The following FOXN1 variants were observed in gnomAD, a reference collection of about 807,000 sequenced individuals.
FOXN1 encodes forkhead box protein N1.
Under a neutral mutation model 49.0 loss-of-function variants are expected in FOXN1, and 15 were observed. The observed-to-expected ratio is 0.31, with a 90% CI of 0.20 to 0.47. The LOEUF is 0.47. Among genes scored for constraint, FOXN1 ranks in the 20% least tolerant of loss-of-function variants. The pLI, the probability that FOXN1 is intolerant of heterozygous loss-of-function variation, is 1.00. For synonymous variants in FOXN1, 356 were observed against 369.0 expected, an observed-to-expected ratio of 0.96 and a Z score of 0.40; for missense variants, 800 against 842.8, an observed-to-expected ratio of 0.95 and a Z score of 0.63.
At chr17:28,514,781 G>C (rs2069461890) in intron 1 of FOXN1, among the ~76,000 whole-genome samples, 2 of 152,130 alleles carry the variant, frequency 1.3e-5, no homozygotes, top group African/African-American at 4.8e-5. Flanking sequence ...AGCGTGAAGA[G>C]AGCCTGGGGA....
rs766651929 is a variant in FOXN1, at chr17:28,529,078, C to T, written c.700-16C>T. 8 of 1,613,988 alleles carry T rather than the reference C, an allele frequency of 5.0e-6. No individual in the cohort carries two copies. The highest frequency in any genetic ancestry group is 2.2e-5 in the South Asian group (2 of 91,074). ...TGGGTACCATGCAATCACTCTGCCC[C>T]TTTTGACCTCCTCAGTACTCGCCAG... On this transcript the variant is annotated splice_polypyrimidine_tract_variant and intron_variant, in intron 4 of 8. Coordinates refer to ENST00000579795, the MANE Select transcript of FOXN1 (RefSeq NM_001369369.1).
chr17:28,523,616 C>T (rs2069687103), intron 1 of FOXN1, among the ~76,000 whole-genome samples: 1 of 152,154 alleles, frequency 6.6e-6, no homozygotes, highest in Non-Finnish European at 1.5e-5. Context: ...GAGGCAGAGC[C>T]CAGCTGGGAG....
At chr17:28,520,794 G>A (rs996275545) in intron 1 of FOXN1, among the ~76,000 whole-genome samples, 1 of 152,228 alleles carries the variant, frequency 6.6e-6, no homozygotes, top group African/African-American at 2.4e-5. Flanking sequence ...AGGTGGTGCA[G>A]GCCTGAGCTG....
At position 28,537,932 on chromosome 17, in the gene FOXN1, C is replaced by A; in HGVS notation, c.*496C>A. ...CCCATTCTGACATCCACATGCTCTGCAGTCCTGGCCCCCTCGTCATTTTCT... is the reference window on the plus strand; with the variant it reads ...CCCATTCTGACATCCACATGCTCTGAAGTCCTGGCCCCCTCGTCATTTTCT... On this transcript the variant is annotated 3_prime_UTR_variant, in exon 9 of 9. Coordinates refer to ENST00000579795, the MANE Select transcript of FOXN1 (RefSeq NM_001369369.1). 1 of 177,192 alleles carries A rather than the reference C, an allele frequency of 5.6e-6. No homozygotes were observed. Among genetic ancestry groups the A allele is most frequent in the Non-Finnish European group, 1.2e-5 (1 of 83,222 alleles). 11.0% of individuals were successfully genotyped at this position (177,192 alleles called of 1,614,324 possible).
intron 3 of FOXN1, among the ~76,000 whole-genome samples, chr17:28,527,025 C>G (rs751828240): frequency 6.6e-6 from 1 of 151,718 alleles, no homozygotes; most frequent in Non-Finnish European, 1.5e-5. Context: ...TCTCCCCTGC[C>G]GTGAGGGGAG....
At chr17:28,524,183 C>A in intron 2 of FOXN1, 91 bp downstream of exon 2, 2 of 1,316,726 alleles carry the variant, frequency 1.5e-6, no homozygotes, top group Admixed American at 2.2e-5. Flanking sequence ...CCCCCAGGGA[C>A]CTCCCAGGGC....
intron 5 of FOXN1, among the ~76,000 whole-genome samples, chr17:28,530,337 A>G (rs1457737177): frequency 6.6e-6 from 1 of 152,108 alleles, no homozygotes; most frequent in Non-Finnish European, 1.5e-5. Context: ...TTCCCTCCCT[A>G]CTCTCCAACA....
At chr17:28,520,537 G>C in intron 1 of FOXN1, among the ~76,000 whole-genome samples, 1 of 152,264 alleles carries the variant, frequency 6.6e-6, no homozygotes, top group African/African-American at 2.4e-5. Context: ...TAAGGGGTGG[G>C]CCTCTGAACT....
rs375839642 is a variant in FOXN1 at position 28,524,000 on chromosome 17, G to A, written c.31G>A (p.Val11Ile). Reference protein sequence around the residue: MVSLPPPQSDVTLPGPTRLEG... With the variant: MVSLPPPQSDITLPGPTRLEG... ...GTCGCTACCCCCGCCGCAGTCTGAC[G>A]TCACGCTGCCGGGCCCCACCAGACT... Residue 11 changes from valine to isoleucine, a missense_variant, in exon 2 of 9, where the codon GTC (valine) becomes ATC (isoleucine). By Grantham distance (29) the Val-to-Ile change is conservative. Around this residue, in one of 3 missense-constraint regions of FOXN1, gnomAD observed 383 missense variants for 357.9 expected, o/e 1.07. Coordinates refer to ENST00000579795, the MANE Select transcript of FOXN1 (RefSeq NM_001369369.1). 7.5e-5 allele frequency: 121 copies of A among 1,612,940 alleles called. No individual in the cohort carries two copies. Among genetic ancestry groups the A allele is most frequent in the Admixed American group, 1.7e-4 (10 of 60,004 alleles).
intron 1 of FOXN1, among the ~76,000 whole-genome samples, chr17:28,518,237 G>A (rs1246470465): frequency 1.3e-5 from 2 of 152,020 alleles, no homozygotes; most frequent in African/African-American, 4.8e-5. Context: ...CCTCCACCAG[G>A]TACACACCTC....
chr17:28,515,288 TC>T (rs1016702387), intron 1 of FOXN1, among the ~76,000 whole-genome samples: 49 of 151,484 alleles, frequency 3.2e-4, no homozygotes, highest in African/African-American at 1.0e-3. Context: ...GGTACACACT[TC>T]CACAGGGTAC....
At chr17:28,514,583 A>AC (rs1370788830) in intron 1 of FOXN1, among the ~76,000 whole-genome samples, 1 of 151,676 alleles carries the variant, frequency 6.6e-6, no homozygotes, top group Non-Finnish European at 1.5e-5. Context: ...GCTCCAGGGG[A>AC]CCCCTCCCAG....
At chr17:28,518,082 G>A (rs979914482) in intron 1 of FOXN1, among the ~76,000 whole-genome samples, 2 of 151,360 alleles carry the variant, frequency 1.3e-5, no homozygotes, top group African/African-American at 2.4e-5. Flanking sequence ...CACCTCCACA[G>A]GATCCATACC....
intron 1 of FOXN1, among the ~76,000 whole-genome samples, chr17:28,518,772 G>A (rs576463167): frequency 1.4e-4 from 21 of 152,130 alleles, no homozygotes; most frequent in Middle Eastern, 3.4e-3. Flanking sequence ...AGCATCTGGC[G>A]GTATGGTCAT....
In FOXN1 at chr17:28,530,785, T is replaced by A. The variant is rs2069893350; in HGVS notation, c.867T>A (p.Thr289=). The A allele has an allele frequency of 3.1e-6, 5 of 1,610,272 alleles. No homozygotes were observed. Among genetic ancestry groups the A allele is most frequent in the Non-Finnish European group, 4.2e-6 (5 of 1,176,920 alleles). Residue 289 remains threonine (T), a synonymous_variant, in exon 6 of 9, where the codon ACT becomes ACA. Transcript: ENST00000579795. ...TCATGGCCCTTAAGAACAGTAAAAC[T>A]GGGAGCCTTCCCGTCAGCGAGATCT... ...LIFMALKNSK[T]GSLPVSEIYN... is the part of the protein sequence containing the mutation.
intron 1 of FOXN1, among the ~76,000 whole-genome samples, chr17:28,518,693 G>T (rs2069580485): frequency 6.6e-6 from 1 of 152,168 alleles, no homozygotes; most frequent in African/African-American, 2.4e-5. Flanking sequence ...GGCGGAAGGT[G>T]GCCAGAATGC....
At chr17:28,516,007 T>C (rs2069486338) in intron 1 of FOXN1, among the ~76,000 whole-genome samples, 1 of 151,344 alleles carries the variant, frequency 6.6e-6, no homozygotes, top group African/African-American at 2.4e-5. Context: ...CTCCAGAGGA[T>C]CCATACTTCC....
intron 2 of FOXN1, 85 bp downstream of exon 2, chr17:28,524,177 C>T: frequency 7.1e-7 from 1 of 1,404,904 alleles, no homozygotes; most frequent in Admixed American, 2.1e-5. Context: ...TTACCGCCCC[C>T]AGGGACCTCC....
Position 28,534,583 on chromosome 17 carries a change from G to A in FOXN1, c.1135+45G>A, listed in dbSNP as rs1481517979. The A allele has an allele frequency of 7.6e-6, 12 of 1,572,602 alleles. No homozygotes were observed. The Middle Eastern group carries it at 5.9e-4, about 77-fold the overall frequency. On this transcript the variant is annotated intron_variant, in intron 7 of 8. Coordinates refer to ENST00000579795, the MANE Select transcript of FOXN1 (RefSeq NM_001369369.1). The surrounding 1 kb of genome is among the most constrained non-coding windows in gnomAD (Gnocchi z 4.1). Reference sequence around the variant, plus strand: ...GCAAGGAAGGGCCCAGGGTACTCATGAGCCAAAAAAAAAAAAAAGAGAGAA... The same window carrying A: ...GCAAGGAAGGGCCCAGGGTACTCATAAGCCAAAAAAAAAAAAAAGAGAGAA...
Sources: gnomAD v4.1 joint callset for allele counts (sites outside exome capture counted in the v4.1 genomes callset) on GRCh38, gnomAD v4.1.1 for gene constraint, gnomAD v4.1.1 regional missense constraint, Gnocchi (gnomAD v3.1) non-coding constraint, MANE v1.5 for transcripts, NCBI Gene and HGNC (gene_info 2026-07-23, HGNC 2026-07-21) for gene names.